Variants in TNS3 observed in about 807,000 individuals in gnomAD.
TNS3 encodes the protein tensin 3.
TNS3 carries 45 observed loss-of-function variants against 140.9 expected under a neutral mutation model. The observed-to-expected ratio is 0.32, with a 90% CI of 0.25 to 0.41. The LOEUF (loss-of-function observed/expected upper bound fraction) is 0.41, where lower values mean the gene tolerates loss of function less well. Ranked by LOEUF, TNS3 falls within the 10% of genes least tolerant of loss-of-function variation. TNS3 has a pLI of 1.00. For missense variants in TNS3, 1,716 were observed against 1,906.7 expected (o/e 0.90, Z 1.86); for synonymous variants, 815 against 788.4 (o/e 1.03, Z -0.56).
intron 1 of TNS3, among the ~76,000 whole-genome samples, chr7:47,551,141 C>T (rs1387481821): frequency 6.6e-6 from 1 of 152,230 alleles, no homozygotes; most frequent in Non-Finnish European, 1.5e-5. Context: ...GAAGCATCTC[C>T]TCGGAGTGCC....
upstream of TNS3, chr7:47,582,249 T>C (rs2152035662): frequency 6.0e-5 from 20 of 333,926 alleles, no homozygotes; most frequent in South Asian, 4.4e-4. Context: ...CTCATCACCC[T>C]AACAATGCAG....
intron 2 of TNS3, among the ~76,000 whole-genome samples, chr7:47,527,879 C>T (rs1254934390): frequency 6.6e-6 from 1 of 151,724 alleles, no homozygotes; most frequent in Non-Finnish European, 1.5e-5. Flanking sequence ...TGCACTCCTA[C>T]CTGGATGACA....
At chr7:47,344,587 G>A (rs553619416) in intron 20 of TNS3, among the ~76,000 whole-genome samples, 168 bp downstream of exon 20, 9 of 152,324 alleles carry the variant, frequency 5.9e-5, no homozygotes, top group Non-Finnish European at 1.0e-4. Context: ...TGGATTTCAC[G>A]GCCACATCCC....
At chr7:47,541,941 T>G (rs1236156423) in intron 1 of TNS3, among the ~76,000 whole-genome samples, 1 of 133,212 alleles carries the variant, frequency 7.5e-6, no homozygotes, top group Non-Finnish European at 1.5e-5. Flanking sequence ...AGAGCGAGAC[T>G]CCATCTCAAA....
At chr7:47,522,753 C>A (rs903466840) in intron 2 of TNS3, among the ~76,000 whole-genome samples, 1 of 151,928 alleles carries the variant, frequency 6.6e-6, no homozygotes, top group Non-Finnish European at 1.5e-5. Context: ...ATGGTGAAAC[C>A]CCGTTTCTAC....
intron 1 of TNS3, among the ~76,000 whole-genome samples, chr7:47,553,414 T>G (rs1470478579): frequency 6.6e-6 from 1 of 152,236 alleles, no homozygotes; most frequent in Non-Finnish European, 1.5e-5. Context: ...CTAAGGCAAC[T>G]AATGCCTGGA....
chr7:47,468,236 T>C (rs1796803453), intron 4 of TNS3, among the ~76,000 whole-genome samples: 1 of 151,940 alleles, frequency 6.6e-6, no homozygotes, highest in African/African-American at 2.4e-5. Flanking sequence ...AGGTCAGGAG[T>C]TCGAGACCAG....
rs937289844 is a variant in TNS3 at position 47,490,522 on chromosome 7, T to C, written c.-114-9381A>G. 6.6e-5 allele frequency among the ~76,000 whole-genome samples: 10 copies of C among 152,364 alleles called. No homozygotes were observed. The South Asian group carries it at 2.1e-3, about 32-fold the overall frequency. ...GTCTGGGCTCGTCCTGGGTTTGCCC[T>C]GTGGCCTGCTGTGAGTGGTGGAATA... On this transcript the variant is annotated intron_variant, in intron 3 of 30. Transcript: ENST00000311160.
intron 3 of TNS3, among the ~76,000 whole-genome samples, chr7:47,493,685 G>A (rs905304050): frequency 8.6e-5 from 13 of 151,434 alleles, no homozygotes; most frequent in African/African-American, 1.9e-4. Flanking sequence ...AAAAATAGCC[G>A]GGCATGGTGG....
chr7:47,497,662 A>AACACACACAC (rs6150097), intron 3 of TNS3, among the ~76,000 whole-genome samples: 19,952 of 91,010 alleles, frequency 0.22, 1,556 homozygotes, highest in South Asian at 0.31. Context: ...TCACGTATGG[A>AACACACACAC]ACACACACAC....
At chr7:47,528,437 T>C (rs1799278089) in intron 2 of TNS3, among the ~76,000 whole-genome samples, 1 of 152,168 alleles carries the variant, frequency 6.6e-6, no homozygotes, top group African/African-American at 2.4e-5. Flanking sequence ...TCCAAGGACC[T>C]GGTCCTCCTA....
chr7:47,554,404 G>A, intron 1 of TNS3, among the ~76,000 whole-genome samples: 1 of 147,736 alleles, frequency 6.8e-6, no homozygotes, highest in African/African-American at 2.5e-5. Flanking sequence ...GGTGACAGAG[G>A]AAGACTCCAT....
chr7:47,444,070 T>C (rs1158567997), intron 4 of TNS3, among the ~76,000 whole-genome samples: 2 of 152,250 alleles, frequency 1.3e-5, no homozygotes, highest in African/African-American at 2.4e-5. Flanking sequence ...AACACTCAAA[T>C]TCAAGCAGCT....
intron 27 of TNS3, among the ~76,000 whole-genome samples, chr7:47,286,004 G>A (rs897922116): frequency 2.6e-5 from 4 of 152,202 alleles, no homozygotes; most frequent in African/African-American, 9.7e-5. Context: ...TCAGATAGGA[G>A]CTGCGAGGGA....
intron 26 of TNS3, among the ~76,000 whole-genome samples, chr7:47,292,415 G>A (rs1023422603): frequency 4.6e-5 from 7 of 152,244 alleles, no homozygotes; most frequent in African/African-American, 1.7e-4. Flanking sequence ...ATTTCATTAT[G>A]GATATTGTTT....
At chr7:47,291,883 A>T in intron 27 of TNS3, 72 bp downstream of exon 27, 1 of 1,517,108 alleles carries the variant, frequency 6.6e-7, no homozygotes, top group South Asian at 1.2e-5. Flanking sequence ...CTGAAGTGCA[A>T]AAGGAAGTTG....
chr7:47,525,256 A>G (rs137988268), intron 2 of TNS3, among the ~76,000 whole-genome samples: 6 of 152,326 alleles, frequency 3.9e-5, no homozygotes, highest in Non-Finnish European at 5.9e-5. Flanking sequence ...GCAGAACTCC[A>G]GAGAGTTCCA....
intron 1 of TNS3, among the ~76,000 whole-genome samples, chr7:47,558,198 A>C (rs1411308256): frequency 6.6e-6 from 1 of 152,216 alleles, no homozygotes; most frequent in Non-Finnish European, 1.5e-5. Context: ...GGTTCCCAAC[A>C]TAAAAGGAAA....
rs1243037164 is a variant in TNS3, at chr7:47,470,449, TTTC to T, written c.-76+10651_-76+10653del. 5.1e-6 allele frequency: 5 copies of T among 985,338 alleles called. No homozygotes were observed. In the African/African-American group the frequency reaches 8.7e-5, roughly 17 times the overall value. The allele number at this position is 985,338 out of a possible 1,614,324, so 61.0% of individuals were successfully genotyped here. A position where few individuals can be genotyped will look rare whatever the true frequency, so the allele number is the denominator to read the frequency against. ...AAAAGAAATCCCACTCAACCTGATT[TTTC>T]TTGTCTGCTGCAGACGTCCAGTCAT... On this transcript the variant is annotated intron_variant, in intron 4 of 30. Coordinates refer to ENST00000311160, the MANE Select transcript of TNS3 (RefSeq NM_022748.12).
Sources: allele counts gnomAD v4.1 joint callset (sites outside exome capture counted in the v4.1 genomes callset), GRCh38; gene constraint gnomAD v4.1.1; transcripts MANE v1.5; gene names NCBI Gene and HGNC (gene_info 2026-07-23, HGNC 2026-07-21).